The following CAMKMT variants were observed in gnomAD, a reference collection of about 807,000 sequenced individuals.
CAMKMT encodes CaM KMT.
Under a neutral mutation model 48.0 loss-of-function variants are expected in CAMKMT, and 53 were observed. The ratio of observed to expected loss-of-function variants is 1.10; its 90% confidence interval spans 0.89 to 1.39. The LOEUF is 1.39. Ranked by LOEUF, CAMKMT falls within the 40% of genes most tolerant of loss-of-function variation. CAMKMT has a pLI of 0.00. For missense variants in CAMKMT, 428 were observed against 402.7 expected, an observed-to-expected ratio of 1.06 and a Z score of -0.54; for synonymous variants, 165 against 152.3, an observed-to-expected ratio of 1.08 and a Z score of -0.61.
intron 3 of CAMKMT, among the ~76,000 whole-genome samples, chr2:44,521,261 T>A (rs1671092841): frequency 6.6e-6 from 1 of 152,132 alleles, no homozygotes; most frequent in African/African-American, 2.4e-5. Flanking sequence ...AATGACTTTA[T>A]GTTGTAGGCA....
At chr2:44,550,480 A>G (rs1176525398) in intron 3 of CAMKMT, among the ~76,000 whole-genome samples, 3 of 152,216 alleles carry the variant, frequency 2.0e-5, no homozygotes, top group African/African-American at 7.2e-5. Context: ...CATTTCTTAT[A>G]TGAAGATGAA....
intron 2 of CAMKMT, among the ~76,000 whole-genome samples, chr2:44,377,822 C>T (rs1342456944): frequency 1.3e-5 from 2 of 152,086 alleles, no homozygotes; most frequent in Non-Finnish European, 2.9e-5. Context: ...ATGCACTACA[C>T]CGAGATCATA....
chr2:44,643,148 T>C (rs2104007668), intron 3 of CAMKMT, among the ~76,000 whole-genome samples: 1 of 152,314 alleles, frequency 6.6e-6, no homozygotes, highest in African/African-American at 2.4e-5. Flanking sequence ...TTATTGTCTA[T>C]GAGTATATTG....
chr2:44,594,716 A>G (rs1670546465), intron 3 of CAMKMT, among the ~76,000 whole-genome samples: 1 of 152,246 alleles, frequency 6.6e-6, no homozygotes, highest in South Asian at 2.1e-4. Context: ...ACCCTAGAAG[A>G]AAACCTAGGC....
intron 3 of CAMKMT, among the ~76,000 whole-genome samples, chr2:44,423,840 T>G (rs978483481): frequency 6.6e-6 from 1 of 152,186 alleles, no homozygotes; most frequent in African/African-American, 2.4e-5. Context: ...GAGGCCAACA[T>G]TTTTAACTTT....
intron 3 of CAMKMT, among the ~76,000 whole-genome samples, chr2:44,638,177 C>G (rs1233509584): frequency 6.6e-6 from 1 of 151,998 alleles, no homozygotes; most frequent in African/African-American, 2.4e-5. Flanking sequence ...TTCTTTTCAA[C>G]TATGGTTTCA....
Position 44,704,261 on chromosome 2 carries a change from T to C in CAMKMT, c.377-22T>C, listed in dbSNP as rs3817339. On this transcript the variant is annotated intron_variant, in intron 3 of 10. Coordinates refer to ENST00000378494, the MANE Select transcript of CAMKMT (RefSeq NM_024766.5). ...AAGAATGACTTCTATAATCAAAAGG[T>C]TTATCCTCTTGTGTTTTCTAGGCAT... The C allele has an allele frequency of 5.6e-6, 9 of 1,601,262 alleles. No individual in the cohort carries two copies. The East Asian group carries it at 1.6e-4, about 28-fold the overall frequency.
At position 44,545,923 on chromosome 2, in the gene CAMKMT, A is replaced by G. The variant is rs562729600; in HGVS notation, c.376+155618A>G. ...CAAGTCTACAGTGATCCTTTGATGAACAAGCTATAAGATTCTAATATTTTT... is the reference window on the plus strand; with the variant it reads ...CAAGTCTACAGTGATCCTTTGATGAGCAAGCTATAAGATTCTAATATTTTT... On this transcript the variant is annotated intron_variant, in intron 3 of 10. Coordinates refer to ENST00000378494, the MANE Select transcript of CAMKMT (RefSeq NM_024766.5). Among the ~76,000 whole-genome samples the G allele has an allele frequency of 1.2e-4, 18 of 152,198 alleles. No individual in the cohort carries two copies. The South Asian group carries it at 3.1e-3, about 26-fold the overall frequency.
At chr2:44,628,387 TTTC>T (rs754346852) in intron 3 of CAMKMT, among the ~76,000 whole-genome samples, 2 of 152,136 alleles carry the variant, frequency 1.3e-5, no homozygotes, top group Non-Finnish European at 2.9e-5. Context: ...TTCTATATCT[TTTC>T]TTTCTCCTTT....
At chr2:44,753,961 A>G in intron 8 of CAMKMT, 94 bp from the exon 9 acceptor site, 1 of 832,810 alleles carries the variant, frequency 1.2e-6, no homozygotes, top group Non-Finnish European at 2.0e-6. Context: ...AGCGTTGGGT[A>G]AACATGTGTA....
intron 3 of CAMKMT, among the ~76,000 whole-genome samples, chr2:44,654,712 G>A (rs1013468681): frequency 5.3e-5 from 8 of 152,158 alleles, no homozygotes; most frequent in Admixed American, 6.5e-5. Context: ...ACAGGGTTTC[G>A]CCATGTTGGC....
At chr2:44,696,817 A>G (rs1271711971) in intron 3 of CAMKMT, among the ~76,000 whole-genome samples, 1 of 152,180 alleles carries the variant, frequency 6.6e-6, no homozygotes, top group East Asian at 1.9e-4. Context: ...GAGAAAACTT[A>G]AAAGAAACTA....
chr2:44,512,822 T>C (rs1212748042), intron 3 of CAMKMT, among the ~76,000 whole-genome samples: 1 of 146,788 alleles, frequency 6.8e-6, no homozygotes, highest in East Asian at 1.9e-4. Context: ...TTAAGATAAA[T>C]GCAAACCAAC....
chr2:44,575,304 C>G (rs1669154794), intron 3 of CAMKMT, among the ~76,000 whole-genome samples: 1 of 151,936 alleles, frequency 6.6e-6, no homozygotes, highest in African/African-American at 2.4e-5. Context: ...ATCTTGAACT[C>G]CCGACCTCAA....
intron 3 of CAMKMT, among the ~76,000 whole-genome samples, chr2:44,648,059 G>C (rs1326544876): frequency 6.6e-6 from 1 of 152,056 alleles, no homozygotes; most frequent in African/African-American, 2.4e-5. Context: ...ATCTACACTA[G>C]GCAATTGTTA....
chr2:44,471,961 G>T (rs765615286), intron 3 of CAMKMT, among the ~76,000 whole-genome samples: 3 of 152,124 alleles, frequency 2.0e-5, no homozygotes, highest in African/African-American at 7.2e-5. Flanking sequence ...GATTACAGGC[G>T]TGAGCCACCA....
At chr2:44,665,520 A>T (rs976661540) in intron 3 of CAMKMT, among the ~76,000 whole-genome samples, 2 of 152,140 alleles carry the variant, frequency 1.3e-5, no homozygotes, top group African/African-American at 4.8e-5. Context: ...TAATTTAGGA[A>T]ATCATTGCCC....
chr2:44,422,039 C>T (rs1487857132), intron 3 of CAMKMT, among the ~76,000 whole-genome samples: 1 of 151,990 alleles, frequency 6.6e-6, no homozygotes, highest in Non-Finnish European at 1.5e-5. Flanking sequence ...GATATATGTC[C>T]CTGTCAAATC....
chr2:44,501,222 G>C (rs1465314729), intron 3 of CAMKMT, among the ~76,000 whole-genome samples: 1 of 151,554 alleles, frequency 6.6e-6, no homozygotes, highest in Non-Finnish European at 1.5e-5. Flanking sequence ...TGCAATGGTA[G>C]GTTTTTTCTT....
Sources: gnomAD v4.1 joint callset for allele counts (sites outside exome capture counted in the v4.1 genomes callset) on GRCh38, gnomAD v4.1.1 for gene constraint, MANE v1.5 for transcripts, NCBI Gene and HGNC (gene_info 2026-07-23, HGNC 2026-07-21) for gene names.